RELN: variants seen among roughly 807,000 people sequenced by gnomAD.
RELN encodes the protein reelin.
Under a neutral mutation model 427.6 loss-of-function variants are expected in RELN, and 108 were observed. The ratio of observed to expected loss-of-function variants is 0.25; its 90% CI spans 0.22 to 0.30. The LOEUF (loss-of-function observed/expected upper bound fraction) is 0.30. Among genes scored for constraint, RELN ranks in the 10% least tolerant of loss-of-function variants. The pLI is 1.00. For synonymous variants in RELN, 1,524 were observed against 1,513.4 expected, an observed-to-expected ratio of 1.01 and a Z score of -0.16; for missense variants, 3,715 against 4,302.8, an observed-to-expected ratio of 0.86 and a Z score of 3.82.
chr7:103,700,139 C>A (rs182395161), intron 9 of RELN, among the ~76,000 whole-genome samples: 3 of 152,014 alleles, frequency 2.0e-5, no homozygotes, highest in East Asian at 3.9e-4. Flanking sequence ...TTAAGTTATG[C>A]TAATTTAAGA....
At chr7:103,645,235 CA>C (rs1383017385) in intron 16 of RELN, among the ~76,000 whole-genome samples, 1 of 151,686 alleles carries the variant, frequency 6.6e-6, no homozygotes, top group African/African-American at 2.4e-5. Context: ...TGCAAAGCAA[CA>C]AGATAACAAC....
chr7:103,744,591 T>C (rs1311082453), intron 6 of RELN, among the ~76,000 whole-genome samples: 6 of 152,132 alleles, frequency 3.9e-5, no homozygotes, highest in East Asian at 1.9e-4. Flanking sequence ...ATATCACCAC[T>C]GATCCCACAG....
intron 60 of RELN, among the ~76,000 whole-genome samples, chr7:103,489,509 A>C (rs951837523): frequency 6.6e-6 from 1 of 152,170 alleles, no homozygotes; most frequent in Non-Finnish European, 1.5e-5. Context: ...TATTTATAGA[A>C]TGTCTGGAGT....
chr7:103,720,743 A>G (rs1175284312), intron 8 of RELN, among the ~76,000 whole-genome samples: 1 of 152,150 alleles, frequency 6.6e-6, no homozygotes, highest in Non-Finnish European at 1.5e-5. Context: ...TACTATGGAT[A>G]CCCACAATTA....
intron 16 of RELN, among the ~76,000 whole-genome samples, chr7:103,649,433 T>C (rs1049168614): frequency 6.6e-6 from 1 of 151,746 alleles, no homozygotes; most frequent in Non-Finnish European, 1.5e-5. Flanking sequence ...CTCAGAAAGG[T>C]GGGAGGATGG....
chr7:103,986,543 T>TCA (rs986843655), intron 1 of RELN, among the ~76,000 whole-genome samples: 1 of 150,540 alleles, frequency 6.6e-6, no homozygotes, highest in Admixed American at 6.7e-5. Context: ...CACCCCAGTG[T>TCA]CAGAGGGCAG....
At chr7:103,536,615 T>A (rs1380691036) in intron 45 of RELN, among the ~76,000 whole-genome samples, 1 of 152,222 alleles carries the variant, frequency 6.6e-6, no homozygotes, top group Admixed American at 6.5e-5. Flanking sequence ...TCAGTCTTCA[T>A]TGTGCTTGCC....
At chr7:103,886,641 TA>T (rs1423979625) in intron 2 of RELN, among the ~76,000 whole-genome samples, 6 of 152,190 alleles carry the variant, frequency 3.9e-5, no homozygotes, top group African/African-American at 1.4e-4. Context: ...TAATCTTATC[TA>T]AAAAACAGCT....
chr7:103,630,199 A>G, intron 19 of RELN, 23 bp from the exon 20 acceptor site: 1 of 1,495,046 alleles, frequency 6.7e-7, no homozygotes, highest in Non-Finnish European at 9.3e-7. Context: ...AAAAAGTCAA[A>G]ATTTAGATTA....
At chr7:103,665,362 G>GTATATA (rs781583835) in intron 11 of RELN, among the ~76,000 whole-genome samples, 2 of 91,006 alleles carry the variant, frequency 2.2e-5, no homozygotes, top group East Asian at 2.7e-4. Flanking sequence ...GTGTGTGTGT[G>GTATATA]TATATATATA....
chr7:103,657,134 G>C (rs1833038243), intron 12 of RELN, among the ~76,000 whole-genome samples: 1 of 152,004 alleles, frequency 6.6e-6, no homozygotes, highest in Non-Finnish European at 1.5e-5. Flanking sequence ...ACTGAGAATG[G>C]AGAAGTCAAG....
rs573624896 is a variant in RELN at position 103,620,442 on chromosome 7, C to T, written c.2703-8639G>A. Among the ~76,000 whole-genome samples the T allele has an allele frequency of 2.0e-4, 30 of 150,456 alleles. No homozygotes were observed. The highest frequency in any genetic ancestry group is 4.2e-4 in the South Asian group (2 of 4,706). ...GTTGCATCCACATTATCTCCAGATT[C>T]GATTTTGGTTGAAGATAACTCACCC... On this transcript the variant is annotated intron_variant, in intron 20 of 64. Transcript: ENST00000428762. The surrounding 1 kb of genome is among the most constrained non-coding windows in gnomAD (Gnocchi z 4.1).
Position 103,748,139 on chromosome 7 carries a change from GTT to G in RELN, c.656+1285_656+1286del, listed in dbSNP as rs11307252. On this transcript the variant is annotated intron_variant, in intron 6 of 64. Coordinates refer to ENST00000428762, the MANE Select transcript of RELN (RefSeq NM_005045.4). Reference sequence around the variant, plus strand: ...CTGGGTAAAAGTGCTACTTAGAAAGGTTTTTTTTTTTTTTTGGCTTCTTATTA... The same window carrying G: ...CTGGGTAAAAGTGCTACTTAGAAAGGTTTTTTTTTTTTTGGCTTCTTATTA... Among the ~76,000 whole-genome samples, 457 of 135,126 alleles carry G rather than the reference GTT, an allele frequency of 3.4e-3. 1 individual carries two copies. Among genetic ancestry groups the G allele is most frequent in the African/African-American group, 0.01 (369 of 36,130 alleles). The allele number at this position is 135,126 out of a possible 152,430, so 88.6% of individuals were successfully genotyped here.
chr7:103,613,488 G>T (rs1584345032), intron 20 of RELN, among the ~76,000 whole-genome samples: 1 of 151,650 alleles, frequency 6.6e-6, no homozygotes, highest in South Asian at 2.1e-4. Context: ...AAAAATAAAA[G>T]AAATCAACAC....
At chr7:103,524,715 AATAT>A (rs1829785697) in intron 46 of RELN, among the ~76,000 whole-genome samples, 1 of 152,246 alleles carries the variant, frequency 6.6e-6, no homozygotes, top group Admixed American at 6.5e-5. Flanking sequence ...TCCAAATGAA[AATAT>A]TTCTATAAAG....
chr7:103,551,414 T>A, intron 40 of RELN, 118 bp from the exon 41 acceptor site: 1 of 744,694 alleles, frequency 1.3e-6, no homozygotes, highest in Non-Finnish European at 2.4e-6. Flanking sequence ...CTGAAATATT[T>A]AATACTATAA....
chr7:103,692,059 T>A (rs140675122), intron 10 of RELN, among the ~76,000 whole-genome samples: 1 of 152,264 alleles, frequency 6.6e-6, no homozygotes, highest in African/African-American at 2.4e-5. Flanking sequence ...TTATGTTATA[T>A]CCAGTCCCTT....
intron 4 of RELN, among the ~76,000 whole-genome samples, 160 bp downstream of exon 4, chr7:103,776,397 G>A (rs1791743149): frequency 6.6e-6 from 1 of 152,114 alleles, no homozygotes; most frequent in African/African-American, 2.4e-5. Context: ...ATCTTTGTTA[G>A]TAATTACTAA....
chr7:103,603,797 A>G lies in RELN; in HGVS notation c.3147-307T>C, dbSNP rs1831737131. Among the ~76,000 whole-genome samples the G allele has an allele frequency of 6.6e-6, 1 of 152,184 alleles. No homozygotes were observed. Among genetic ancestry groups the G allele is most frequent in the African/African-American group, 2.4e-5 (1 of 41,538 alleles). On this transcript the variant is annotated intron_variant, in intron 23 of 64. Coordinates refer to ENST00000428762, the MANE Select transcript of RELN (RefSeq NM_005045.4). This position sits in a 1 kb window ranked among gnomAD's most constrained non-coding sequence, Gnocchi z 4.3. Reference sequence around the variant, plus strand: ...GTGTGTGTTTGTGGGGGGCTGAGGGATAGTGGGATTTCCCTATTGCCTTAA... The same window carrying G: ...GTGTGTGTTTGTGGGGGGCTGAGGGGTAGTGGGATTTCCCTATTGCCTTAA...
Sources: gnomAD v4.1 joint callset for allele counts (sites outside exome capture counted in the v4.1 genomes callset) on GRCh38, gnomAD v4.1.1 for gene constraint, Gnocchi (gnomAD v3.1) non-coding constraint, MANE v1.5 for transcripts, NCBI Gene and HGNC (gene_info 2026-07-23, HGNC 2026-07-21) for gene names.